The following MMP1 variants were observed in gnomAD, a reference collection of about 807,000 sequenced individuals.
MMP1 encodes matrix metallopeptidase 1, also known as interstitial collagenase.
Under a neutral mutation model 49.6 loss-of-function variants are expected in MMP1, and 51 were observed. The observed-to-expected ratio is 1.03, with a 90% CI of 0.82 to 1.30. MMP1 has a LOEUF of 1.30. Ranked by LOEUF, MMP1 falls within the 50% of genes most tolerant of loss-of-function variation. MMP1 has a pLI of 0.00. For missense variants in MMP1, 623 were observed against 568.7 expected, an observed-to-expected ratio of 1.10 and a Z score of -0.97; for synonymous variants, 230 against 196.8, an observed-to-expected ratio of 1.17 and a Z score of -1.41.
chr11:102,792,208 A>T (rs1203760168), intron 7 of MMP1, among the ~76,000 whole-genome samples: 2 of 152,202 alleles, frequency 1.3e-5, no homozygotes, highest in African/African-American at 4.8e-5. Flanking sequence ...CCTTGAGTGT[A>T]TGGCTGAGTC....
rs1195617143 is a variant in MMP1 at position 102,797,276 on chromosome 11, C to T, written c.330G>A (p.Glu110=). 1.2e-6 allele frequency: 2 copies of T among 1,614,094 alleles called. No individual in the cohort carries two copies. Among genetic ancestry groups the T allele is most frequent in the Non-Finnish European group, 1.7e-6 (2 of 1,180,046 alleles). The change falls in exon 2 of 10, where the codon GAG becomes GAA. Residue 110 remains glutamate, a synonymous_variant. Coordinates refer to ENST00000315274, the MANE Select transcript of MMP1 (RefSeq NM_002421.4). The part of the protein sequence containing the change: ...FVLTEGNPRW[E]QTHLTYRIEN... ...CCTACCTGTAGGTCAGATGTGTTTG[C>T]TCCCAGCGAGGGTTCCCCTCAGTGA...
In MMP1 at chr11:102,790,227, T is replaced by A. The variant is rs886686791; in HGVS notation, c.*185A>T. The A allele has an allele frequency of 1.2e-5, 5 of 433,640 alleles. No individual in the cohort carries two copies. The Middle Eastern group carries it at 1.8e-3, about 159-fold the overall frequency. 26.9% of individuals were successfully genotyped at this position (433,640 alleles called of 1,614,324 possible). ...GTACCCACCATTTGTGGAACTAAAT[T>A]ATATCAGTACAAAAAGGGCTACATT... On this transcript the variant is annotated 3_prime_UTR_variant, in exon 10 of 10. Transcript: ENST00000315274.
At position 102,795,577 on chromosome 11, in the gene MMP1, T is replaced by A. The variant is rs755536131; in HGVS notation, c.656A>T (p.Glu219Val). 1.4e-5 allele frequency: 23 copies of A among 1,613,430 alleles called. No individual in the cohort carries two copies. The South Asian group carries it at 2.5e-4, about 18-fold the overall frequency. Residue 219 changes from glutamate to valine, a missense_variant, in exon 5 of 10, where the codon GAA becomes GTA. Coordinates refer to ENST00000315274, the MANE Select transcript of MMP1 (RefSeq NM_002421.4). The part of the protein sequence containing the change: ...EYNLHRVAAH[E>V]LGHSLGLSHS... ...GGAGAGTCCAAGAGAATGGCCGAGT[T>A]CATGAGCTGCAACACGATGTAAGTT...
intron 7 of MMP1, 96 bp from the exon 8 acceptor site, chr11:102,791,591 A>G (rs1370708528): frequency 1.5e-6 from 2 of 1,334,778 alleles, no homozygotes; most frequent in African/African-American, 1.5e-5. Context: ...ATGCTAGTGC[A>G]GTACCCTGGC....
In MMP1 at chr11:102,797,257, T is replaced by C; in HGVS notation, c.349A>G (p.Arg117Gly). The C allele has an allele frequency of 6.2e-7, 1 of 1,614,214 alleles. No individual in the cohort carries two copies. Among genetic ancestry groups the C allele is most frequent in the Non-Finnish European group, 8.5e-7 (1 of 1,180,040 alleles). Residue 117 changes from arginine to glycine, a missense_variant and splice_region_variant, in exon 2 of 10, where the codon AGG (arginine) becomes GGG (glycine). By Grantham distance (125) the Arg-to-Gly change is moderately radical (BLOSUM62 -2). Coordinates refer to ENST00000315274, the MANE Select transcript of MMP1 (RefSeq NM_002421.4). ...CACTCTGGCCCTCAGTCTGCCTACC[T>C]GTAGGTCAGATGTGTTTGCTCCCAG... ...PRWEQTHLTY[R>G]IENYTPDLPR...
In MMP1 at chr11:102,792,671, G is replaced by A; in HGVS notation, c.967C>T (p.Gln323Ter). ...ELNFISVFWPQLPNGLEAAYE... is the reference protein window; with the variant it reads ...ELNFISVFWP ...GCAGCTTCAAGCCCATTTGGCAGTT[G>A]TGGCCAGAAAACAGAAATGAAATTG... Residue 323 changes from glutamine (Q) to a stop codon, truncating the protein, a stop_gained, in exon 7 of 10, where the codon CAA becomes TAA. Coordinates refer to ENST00000315274, the MANE Select transcript of MMP1 (RefSeq NM_002421.4). LOFTEE classifies it high-confidence loss of function. 6.2e-7 allele frequency: 1 copy of A among 1,613,918 alleles called. No homozygotes were observed. Among genetic ancestry groups the A allele is most frequent in the Non-Finnish European group, 8.5e-7 (1 of 1,179,820 alleles).
Position 102,795,533 on chromosome 11 carries a change from C to A in MMP1, c.700G>T (p.Ala234Ser), listed in dbSNP as rs1258172150. 6.2e-7 allele frequency: 1 copy of A among 1,613,922 alleles called. No homozygotes were observed. The highest frequency in any genetic ancestry group is 2.2e-5 in the East Asian group (1 of 44,896). The change falls in exon 5 of 10, where the codon GCT (alanine) becomes TCT (serine). Residue 234 changes from alanine to serine, a missense_variant. Ala to Ser is a moderately conservative substitution (Grantham distance 99, BLOSUM62 1). Coordinates refer to ENST00000315274, the MANE Select transcript of MMP1 (RefSeq NM_002421.4). ...LGLSHSTDIG[A>S]LMYPSYTFSG... ...AAGGTGTAGCTAGGGTACATCAAAG[C>A]CCCGATATCAGTAGAATGGGAGAGT... is the stretch of plus-strand genomic sequence containing the variant.
chr11:102,791,333 C>A lies in MMP1; in HGVS notation c.1196G>T (p.Arg399Met), dbSNP rs1488547432. Residue 399 changes from arginine (R) to methionine (M), a missense_variant and splice_region_variant, in exon 8 of 10, where the codon AGG becomes ATG. Coordinates refer to ENST00000315274, the MANE Select transcript of MMP1 (RefSeq NM_002421.4). ...TYFFVANKYW[R>M]YDEYKRSMDP... ...TAACATTCTCTGCACTTAAACTTAC[C>A]TCCAGTATTTGTTAGCAACAAAGAA... 6.2e-7 allele frequency: 1 copy of A among 1,613,676 alleles called. No individual in the cohort carries two copies. The highest frequency in any genetic ancestry group is 8.5e-7 in the Non-Finnish European group (1 of 1,179,752).
Position 102,797,180 on chromosome 11 carries a change from TAG to T in MMP1, c.351-20_351-19del, listed in dbSNP as rs1858218629. The stretch of plus-strand genomic sequence containing the variant: ...TTTCAATCCTTAGAATGAAACAAAA[TAG>T]AGACACATTGGACATGACTTCTTAC... On this transcript the variant is annotated intron_variant, in intron 2 of 9. Transcript: ENST00000315274. 1.4e-5 allele frequency: 22 copies of T among 1,613,796 alleles called. No homozygotes were observed. Among genetic ancestry groups the T allele is most frequent in the Non-Finnish European group, 1.9e-5 (22 of 1,179,774 alleles).
chr11:102,796,555 T>C (rs748442066), intron 4 of MMP1, 109 bp downstream of exon 4: 13 of 1,293,988 alleles, frequency 1.0e-5, no homozygotes, highest in Non-Finnish European at 1.3e-5. Context: ...TGAGTGGTAA[T>C]AGAAAAATAT....
chr11:102,794,998 G>T lies in MMP1; in HGVS notation c.899+176C>A. On this transcript the variant is annotated intron_variant, in intron 6 of 9. Coordinates refer to ENST00000315274, the MANE Select transcript of MMP1 (RefSeq NM_002421.4). This position sits in a 1 kb window ranked among gnomAD's most constrained non-coding sequence, Gnocchi z 4.3. ...AGAATCAGTTGACCTAATACATGTAGAAAAACAAAGTTGTTACAAGTACAT... is the reference window on the plus strand; with the variant it reads ...AGAATCAGTTGACCTAATACATGTATAAAAACAAAGTTGTTACAAGTACAT... The T allele has an allele frequency of 1.7e-6, 1 of 601,840 alleles. No homozygotes were observed. 37.3% of individuals were successfully genotyped at this position (601,840 alleles called of 1,614,324 possible). A position where few individuals can be genotyped will look rare whatever the true frequency, so the allele number is the denominator to read the frequency against.
Position 102,795,240 on chromosome 11 carries a change from C to T in MMP1, c.833G>A (p.Cys278Tyr), listed in dbSNP as rs1378667121. ...QPIGPQTPKA[C>Y]DSKLTFDAIT... is the part of the protein sequence containing the mutation. The stretch of plus-strand genomic sequence containing the variant: ...AGCATCAAAGGTTAGCTTACTGTCA[C>T]ACGCTTTTGGGGTTTGTGGGCCGAT... The change falls in exon 6 of 10, where the codon TGT (cysteine) becomes TAT (tyrosine). Residue 278 changes from cysteine to tyrosine, a missense_variant. Coordinates refer to ENST00000315274, the MANE Select transcript of MMP1 (RefSeq NM_002421.4). 1 of 1,614,008 alleles carries T rather than the reference C, an allele frequency of 6.2e-7. No homozygotes were observed. The highest frequency in any genetic ancestry group is 1.3e-5 in the African/African-American group (1 of 74,942).
At chr11:102,795,007 A>C in intron 6 of MMP1, 167 bp downstream of exon 6, 1 of 626,340 alleles carries the variant, frequency 1.6e-6, no homozygotes, top group Non-Finnish European at 2.8e-6. Context: ...AGAAAAACAA[A>C]GTTGTTACAA....
Position 102,791,411 on chromosome 11 carries a change from G to T in MMP1, c.1118C>A (p.Thr373Asn). 6.2e-7 allele frequency: 1 copy of T among 1,614,032 alleles called. No individual in the cohort carries two copies. Among genetic ancestry groups the T allele is most frequent in the South Asian group, 1.1e-5 (1 of 91,082 alleles). ...DIYSSFGFPR[T>N]VKHIDAALSE... is the part of the protein sequence containing the mutation. ...AAGAGCAGCATCGATATGCTTCACA[G>T]TTCTAGGGAAGCCAAAGGAGCTGTA... Residue 373 changes from threonine (T) to asparagine (N), a missense_variant, in exon 8 of 10, where the codon ACT becomes AAT. Coordinates refer to ENST00000315274, the MANE Select transcript of MMP1 (RefSeq NM_002421.4).
At position 102,797,352 on chromosome 11, in the gene MMP1, T is replaced by C; in HGVS notation, c.254A>G (p.Lys85Arg). The change falls in exon 2 of 10, where the codon AAG (lysine) becomes AGG (arginine). Residue 85 changes from lysine to arginine, a missense_variant. By Grantham distance (26) the Lys-to-Arg change is conservative. Transcript: ENST00000315274. ...TCCACATCTGGGCTGCTTCATCACC[T>C]TCAGGGTTTCAGCATCTGGTTTCCC... is the stretch of plus-strand genomic sequence containing the variant. ...VTGKPDAETL[K>R]VMKQPRCGVP... 1.2e-6 allele frequency: 2 copies of C among 1,614,172 alleles called. No homozygotes were observed. The highest frequency in any genetic ancestry group is 1.7e-6 in the Non-Finnish European group (2 of 1,180,026).
intron 8 of MMP1, among the ~76,000 whole-genome samples, chr11:102,791,109 C>G (rs1280834308): frequency 2.6e-5 from 4 of 152,208 alleles, no homozygotes; most frequent in Non-Finnish European, 5.9e-5. Flanking sequence ...GTCCTCAATT[C>G]TACATCCTTT....
chr11:102,797,783 T>G (rs1858243460), intron 1 of MMP1, among the ~76,000 whole-genome samples: 1 of 152,146 alleles, frequency 6.6e-6, no homozygotes, highest in East Asian at 1.9e-4. Flanking sequence ...AGTTTGGATG[T>G]TGTTCCTTTA....
In MMP1 at chr11:102,791,322, C is replaced by T; in HGVS notation, c.1196+11G>A. On this transcript the variant is annotated intron_variant, in intron 8 of 9. Transcript: ENST00000315274. ...AACTGAGGCCCTAACATTCTCTGCA[C>T]TTAAACTTACCTCCAGTATTTGTTA... The T allele has an allele frequency of 6.2e-7, 1 of 1,613,714 alleles. No homozygotes were observed. Among genetic ancestry groups the T allele is most frequent in the South Asian group, 1.1e-5 (1 of 91,058 alleles).
At chr11:102,795,744 T>A (rs1858170269) in intron 4 of MMP1, 137 bp from the exon 5 acceptor site, 2 of 718,740 alleles carry the variant, frequency 2.8e-6, no homozygotes, top group Non-Finnish European at 4.3e-6. Context: ...TGCATGTATA[T>A]CTTTTTTCCG....
Sources: gnomAD v4.1 joint callset for allele counts (sites outside exome capture counted in the v4.1 genomes callset) on GRCh38, gnomAD v4.1.1 for gene constraint, Gnocchi (gnomAD v3.1) non-coding constraint, MANE v1.5 for transcripts, NCBI Gene and HGNC (gene_info 2026-07-23, HGNC 2026-07-21) for gene names.